Variants in AHNAK2 observed in about 807,000 individuals in gnomAD.
AHNAK2 encodes protein AHNAK2.
In AHNAK2, 18 loss-of-function variants were observed where a neutral mutation model predicts 30.7. The observed-to-expected ratio is 0.59, with a 90% CI of 0.41 to 0.87. The LOEUF is 0.87. AHNAK2 is among the 40% of genes least tolerant of loss of function. AHNAK2 has a pLI of 0.00. For missense variants in AHNAK2, 8,604 were observed against 7,373.0 expected (o/e 1.17, Z -6.11); for synonymous variants, 3,590 against 3,073.8 (o/e 1.17, Z -5.56).
chr14:104,967,624 G>C (rs1899341126), intron 1 of AHNAK2, among the ~76,000 whole-genome samples: 1 of 152,228 alleles, frequency 6.6e-6, no homozygotes, highest in South Asian at 2.1e-4. Context: ...GGGAGCGGCT[G>C]TTCCTACACT....
intron 1 of AHNAK2, among the ~76,000 whole-genome samples, chr14:104,971,004 G>C (rs1899458185): frequency 6.6e-6 from 1 of 152,138 alleles, no homozygotes; most frequent in Non-Finnish European, 1.5e-5. Flanking sequence ...CCACCTGCCT[G>C]AGCCCCCAGG....
chr14:104,938,158 T>C lies in AHNAK2; in HGVS notation c.17293A>G (p.Thr5765Ala). The change falls in exon 7 of 7, where the codon ACA (threonine) becomes GCA (alanine). Residue 5765 changes from threonine to alanine, a missense_variant. Coordinates refer to ENST00000333244, the MANE Select transcript of AHNAK2 (RefSeq NM_138420.4). ...ATTAACTCTGTTCTTGCCGCGGATG[T>C]CACCATCACTCTGGAGTCCAGCCCA... ...GTGLDSRVMV[T>A]SAARTELILP... 6.2e-7 allele frequency: 1 copy of C among 1,613,966 alleles called. No homozygotes were observed. Among genetic ancestry groups the C allele is most frequent in the Non-Finnish European group, 8.5e-7 (1 of 1,179,886 alleles).
At chr14:104,965,940 C>T (rs1437926595) in intron 1 of AHNAK2, among the ~76,000 whole-genome samples, 1 of 152,194 alleles carries the variant, frequency 6.6e-6, no homozygotes, top group Non-Finnish European at 1.5e-5. Context: ...AGACACTGCT[C>T]CCGCAGAGGC....
At chr14:104,973,037 G>A (rs1301606789) in intron 1 of AHNAK2, among the ~76,000 whole-genome samples, 2 of 152,216 alleles carry the variant, frequency 1.3e-5, no homozygotes, top group Non-Finnish European at 2.9e-5. Flanking sequence ...GCGGGTGCTG[G>A]GCAGGGCCTT....
rs1418760408 is a variant in AHNAK2 at position 104,945,865 on chromosome 14, G to A, written c.9586C>T (p.Pro3196Ser). 1.5e-6 allele frequency: 2 copies of A among 1,339,250 alleles called. 1 individual carries two copies. Among genetic ancestry groups the A allele is most frequent in the African/African-American group, 2.8e-5 (2 of 70,706 alleles). The allele number at this position is 1,339,250 out of a possible 1,614,324, so 83.0% of individuals were successfully genotyped here. A position where few individuals can be genotyped will look rare whatever the true frequency, so the allele number is the denominator to read the frequency against. The change falls in exon 7 of 7, where the codon CCC becomes TCC. Residue 3196 changes from proline to serine, a missense_variant. By Grantham distance (74) the Pro-to-Ser change is moderately conservative. Transcript: ENST00000333244. ...LKNTDISIEP[P>S]SAQLEVQAGQ... ...GCCTGGACCTCCAGTTGGGCAGAGG[G>A]GGGCTCAATGCTGATGTCAGTGTTC...
rs566700077 is a variant in AHNAK2, at chr14:104,960,158, A to G, written c.56-2486T>C. ...TATATAAGGCAACAATTCTAACACC[A>G]TATTGTTAGGATTATAACATATATA... On this transcript the variant is annotated intron_variant, in intron 1 of 6. Coordinates refer to ENST00000333244, the MANE Select transcript of AHNAK2 (RefSeq NM_138420.4). Among the ~76,000 whole-genome samples the G allele has an allele frequency of 4.6e-5, 7 of 152,366 alleles. No individual in the cohort carries two copies. In the Middle Eastern group the frequency reaches 0.017, roughly 373 times the overall value.
In AHNAK2 at chr14:104,951,175, G is replaced by T. The variant is rs371861425; in HGVS notation, c.4276C>A (p.Leu1426Ile). ...MPSFKVPKVD[L>I]KGPEIDIKGP... ...TTGATGTCTATTTCAGGGCCCTTGA[G>T]GTCCACTTTGGGCACCTTGAAACTG... The change falls in exon 7 of 7, where the codon CTC becomes ATC. Residue 1426 changes from leucine (L) to isoleucine (I), a missense_variant. Transcript: ENST00000333244. The T allele has an allele frequency of 2.9e-4, 314 of 1,072,046 alleles. 94 individuals carry two copies. In the South Asian group the frequency reaches 3.3e-3, roughly 11 times the overall value. 66.4% of individuals were successfully genotyped at this position (1,072,046 alleles called of 1,614,324 possible).
chr14:104,940,475 C>T lies in AHNAK2; in HGVS notation c.14976G>A (p.Lys4992=). The change falls in exon 7 of 7, where the codon AAG becomes AAA. Residue 4992 remains lysine (K), a synonymous_variant. Coordinates refer to ENST00000333244, the MANE Select transcript of AHNAK2 (RefSeq NM_138420.4). This position sits in a 1 kb window ranked among gnomAD's most constrained non-coding sequence, Gnocchi z 4.4. ...TGGCAGACTGCGGGGCCACTTCATC[C>T]TTGTCTAAAACCAGGCTGAGTTTTG... ...EDSKLSLVLD[K]DEVAPQSAIH... 6.2e-7 allele frequency: 1 copy of T among 1,613,842 alleles called. No homozygotes were observed. Among genetic ancestry groups the T allele is most frequent in the Non-Finnish European group, 8.5e-7 (1 of 1,179,900 alleles).
intron 1 of AHNAK2, among the ~76,000 whole-genome samples, chr14:104,974,947 G>A (rs1234553923): frequency 6.6e-6 from 1 of 152,222 alleles, no homozygotes; most frequent in African/African-American, 2.4e-5. Context: ...CCCTAGCTGA[G>A]CCTGAAACAC....
rs1898461238 is a variant in AHNAK2 at position 104,948,707 on chromosome 14, T to C, written c.6744A>G (p.Lys2248=). The change falls in exon 7 of 7, where the codon AAA becomes AAG. Residue 2248 remains lysine, a synonymous_variant. Coordinates refer to ENST00000333244, the MANE Select transcript of AHNAK2 (RefSeq NM_138420.4). ...KLQMPSFKVP[K]VDLKGPEIDI... ...CTATTTCGGGGCCCTTGAGGTCCAC[T>C]TTGGGCACCTTGAAACTGGGCATCT... 6.2e-7 allele frequency: 1 copy of C among 1,610,948 alleles called. No homozygotes were observed. The highest frequency in any genetic ancestry group is 8.5e-7 in the Non-Finnish European group (1 of 1,179,248).
Position 104,951,767 on chromosome 14 carries a change from G to A in AHNAK2, c.3684C>T (p.Asp1228=), listed in dbSNP as rs537940837. 94 of 1,310,174 alleles carry A rather than the reference G, an allele frequency of 7.2e-5. 22 individuals are homozygous for A. The Admixed American group carries it at 8.2e-4, about 11-fold the overall frequency. 81.2% of individuals were successfully genotyped at this position (1,310,174 alleles called of 1,614,324 possible). A position where few individuals can be genotyped will look rare whatever the true frequency, so the allele number is the denominator to read the frequency against. The change falls in exon 7 of 7, where the codon GAC becomes GAT. Residue 1228 remains aspartate, a synonymous_variant. Transcript: ENST00000333244. ...GCACGTGGCCCTCCAGGAGCTTCAC[G>A]TCCACCTGGCCAGCGTGGACCTCCA... ...ADLEVHAGQV[D]VKLLEGHVPE...
intron 4 of AHNAK2, among the ~76,000 whole-genome samples, chr14:104,956,060 C>T (rs138981980): frequency 1.4e-4 from 22 of 152,304 alleles, no homozygotes; most frequent in African/African-American, 5.1e-4. Context: ...AAGGAAAATA[C>T]GGGACATTGG....
chr14:104,969,612 A>C (rs1899414809), intron 1 of AHNAK2, among the ~76,000 whole-genome samples: 1 of 152,174 alleles, frequency 6.6e-6, no homozygotes, highest in Admixed American at 6.5e-5. Flanking sequence ...AAAAGGAAGG[A>C]GCTTGTCAGA....
rs1352291018 is a variant in AHNAK2, at chr14:104,954,144, C to T, written c.1307G>A (p.Arg436Lys). 1 of 1,610,786 alleles carries T rather than the reference C, an allele frequency of 6.2e-7. No homozygotes were observed. The highest frequency in any genetic ancestry group is 1.3e-5 in the African/African-American group (1 of 74,926). ...GQAQETAVAQ[R>K]KPRAQPTPGM... is the part of the protein sequence containing the mutation. ...AGGAGTTGGCTGGGCCCTGGGCTTC[C>T]TCTGGGCCACTGCTGTCTCCTGTGC... Residue 436 changes from arginine (R) to lysine (K), a missense_variant, in exon 7 of 7, where the codon AGG (arginine) becomes AAG (lysine). Physicochemically the swap from Arg to Lys is conservative, Grantham distance 26. Coordinates refer to ENST00000333244, the MANE Select transcript of AHNAK2 (RefSeq NM_138420.4). The surrounding 1 kb of genome is among the most constrained non-coding windows in gnomAD (Gnocchi z 4.3).
At position 104,954,594 on chromosome 14, in the gene AHNAK2, T is replaced by C; in HGVS notation, c.857A>G (p.Glu286Gly). 8 of 1,610,536 alleles carry C rather than the reference T, an allele frequency of 5.0e-6. No individual in the cohort carries two copies. Among genetic ancestry groups the C allele is most frequent in the Non-Finnish European group, 6.8e-6 (8 of 1,178,688 alleles). ...GGACACGTCATGTGCGTCCCTAGGTTCGTAGGCCTCTGACGAGCTGTGTGA... is the reference window on the plus strand; with the variant it reads ...GGACACGTCATGTGCGTCCCTAGGTCCGTAGGCCTCTGACGAGCTGTGTGA... Reference protein sequence around the residue: ...QRSHSSSEAYEPRDAHDVSPT... With the variant: ...QRSHSSSEAYGPRDAHDVSPT... Residue 286 changes from glutamate to glycine, a missense_variant, in exon 7 of 7, where the codon GAA becomes GGA. Transcript: ENST00000333244. The surrounding 1 kb of genome is among the most constrained non-coding windows in gnomAD (Gnocchi z 4.3).
rs1358589873 is a variant in AHNAK2 at position 104,939,115 on chromosome 14, C to A, written c.16336G>T (p.Glu5446Ter). The A allele has an allele frequency of 1.9e-6, 3 of 1,606,482 alleles. No homozygotes were observed. In the African/African-American group the frequency reaches 4.0e-5, roughly 21 times the overall value. ...GGCAGGTTAAGGTCCACAGGCTGCTCCCCAGGGACCCCAGCACCTGCCTTC... is the reference window on the plus strand; with the variant it reads ...GGCAGGTTAAGGTCCACAGGCTGCTACCCAGGGACCCCAGCACCTGCCTTC... The part of the protein sequence containing the change: ...ILKAGAGVPG[E>*]QPVDLNLPLE... Residue 5446 changes from glutamate to a stop codon, truncating the protein, a stop_gained, in exon 7 of 7, where the codon GAG (glutamate) becomes TAG (stop). Transcript: ENST00000333244. LOFTEE classifies it low-confidence loss of function (END_TRUNC).
In AHNAK2 at chr14:104,946,617, T is replaced by A; in HGVS notation, c.8834A>T (p.Glu2945Val). 1 of 1,612,596 alleles carries A rather than the reference T, an allele frequency of 6.2e-7. No homozygotes were observed. The highest frequency in any genetic ancestry group is 8.5e-7 in the Non-Finnish European group (1 of 1,179,618). Residue 2945 changes from glutamate to valine, a missense_variant, in exon 7 of 7, where the codon GAG becomes GTG. Physicochemically the swap from Glu to Val is moderately radical, Grantham distance 121. Coordinates refer to ENST00000333244, the MANE Select transcript of AHNAK2 (RefSeq NM_138420.4). ...PDVEVSLPSVEVDVEAPRAKL... is the reference protein window; with the variant it reads ...PDVEVSLPSVVVDVEAPRAKL... ...TGCTCTCGGGGCCTCGACGTCCACC[T>A]CCACGCTGGGCAGAGACACCTCCAC... is the stretch of plus-strand genomic sequence containing the variant.
Position 104,950,502 on chromosome 14 carries a change from G to A in AHNAK2, c.4949C>T (p.Ala1650Val), listed in dbSNP as rs145693791. ...GAACTTGCTGTCTTTGGCAGTCACC[G>A]CCTTGTCGGCCAGGGACAGGTCCCC... ...LEGDLSLADK[A>V]VTAKDSKFKM... The change falls in exon 7 of 7, where the codon GCG becomes GTG. Residue 1650 changes from alanine to valine, a missense_variant. Ala to Val is a moderately conservative substitution (Grantham distance 64). Coordinates refer to ENST00000333244, the MANE Select transcript of AHNAK2 (RefSeq NM_138420.4). 32 of 1,577,940 alleles carry A rather than the reference G, an allele frequency of 2.0e-5. 3 individuals carry two copies. The East Asian group carries it at 3.2e-4, about 16-fold the overall frequency.
At position 104,940,508 on chromosome 14, in the gene AHNAK2, C is replaced by T. The variant is rs751978443; in HGVS notation, c.14943G>A (p.Val4981=). Reference sequence around the variant, plus strand: ...AAACCAGGCTGAGTTTTGAGTCCTCCACGCTGCATTCTGGGTCCACCTTTG... The same window carrying T: ...AAACCAGGCTGAGTTTTGAGTCCTCTACGCTGCATTCTGGGTCCACCTTTG... ...TGPKVDPECS[V]EDSKLSLVLD... is the part of the protein sequence containing the mutation. The change falls in exon 7 of 7, where the codon GTG becomes GTA. Residue 4981 remains valine, a synonymous_variant. Transcript: ENST00000333244. This position sits in a 1 kb window ranked among gnomAD's most constrained non-coding sequence, Gnocchi z 4.4. 6 of 1,613,800 alleles carry T rather than the reference C, an allele frequency of 3.7e-6. No individual in the cohort carries two copies. The Admixed American group carries it at 1.0e-4, about 27-fold the overall frequency.
Sources: allele counts gnomAD v4.1 joint callset (sites outside exome capture counted in the v4.1 genomes callset), GRCh38; gene constraint gnomAD v4.1.1; non-coding constraint Gnocchi (gnomAD v3.1); transcripts MANE v1.5; gene names NCBI Gene and HGNC (gene_info 2026-07-23, HGNC 2026-07-21).